MED12L: variants seen among roughly 807,000 people sequenced by gnomAD.
MED12L encodes the protein mediator complex subunit 12L.
Under a neutral mutation model 281.3 loss-of-function variants are expected in MED12L, and 60 were observed. That is an observed-to-expected ratio of 0.21 (90% CI 0.17 to 0.26). The LOEUF is 0.26. Among genes scored for constraint, MED12L ranks in the 10% least tolerant of loss-of-function variants. The pLI, the probability that MED12L is intolerant of heterozygous loss-of-function variation, is 1.00. For synonymous variants in MED12L, 974 were observed against 987.2 expected, an observed-to-expected ratio of 0.99 and a Z score of 0.25; for missense variants, 2,146 against 2,680.9, an observed-to-expected ratio of 0.80 and a Z score of 4.41.
intron 16 of MED12L, among the ~76,000 whole-genome samples, chr3:151,317,861 A>G (rs1748484675): frequency 6.6e-6 from 1 of 152,146 alleles, no homozygotes; most frequent in South Asian, 2.1e-4. Context: ...AATTTCATCA[A>G]ATGGAATCAA....
chr3:151,343,395 A>T (rs529059076), intron 16 of MED12L, among the ~76,000 whole-genome samples: 1 of 152,324 alleles, frequency 6.6e-6, no homozygotes, highest in East Asian at 1.9e-4. Context: ...TCAGTTCTTG[A>T]TCTAAATTAA....
chr3:151,178,050 C>T (rs570253976), intron 11 of MED12L, among the ~76,000 whole-genome samples: 2 of 145,850 alleles, frequency 1.4e-5, no homozygotes, highest in African/African-American at 2.6e-5. Flanking sequence ...TCTTACTATT[C>T]GTTAGAAAGT....
intron 9 of MED12L, 136 bp downstream of exon 9, chr3:151,164,178 C>T (rs938232203): frequency 1.1e-6 from 1 of 887,524 alleles, no homozygotes; most frequent in East Asian, 2.7e-5. Flanking sequence ...CTCTGGGTGA[C>T]CTTAGAGAAT....
intron 8 of MED12L, among the ~76,000 whole-genome samples, chr3:151,163,095 A>C (rs1720209617): frequency 6.6e-6 from 1 of 152,202 alleles, no homozygotes. Flanking sequence ...TAATAAAATC[A>C]AACTTGGGTT....
intron 16 of MED12L, among the ~76,000 whole-genome samples, chr3:151,295,651 T>G (rs1012811413): frequency 2.0e-5 from 3 of 152,202 alleles, no homozygotes; most frequent in Non-Finnish European, 4.4e-5. Flanking sequence ...TATCTTCCCT[T>G]CCCTTGCCTC....
chr3:151,208,635 G>A (rs1037956766), intron 16 of MED12L, among the ~76,000 whole-genome samples: 1 of 152,060 alleles, frequency 6.6e-6, no homozygotes, highest in Non-Finnish European at 1.5e-5. Flanking sequence ...CTGAGATCAC[G>A]CCACTGCACT....
intron 2 of MED12L, among the ~76,000 whole-genome samples, chr3:151,095,373 T>C (rs1451661522): frequency 6.6e-6 from 1 of 152,226 alleles, no homozygotes; most frequent in Non-Finnish European, 1.5e-5. Context: ...AGTCTTGCTC[T>C]GTCACCCAGG....
chr3:151,408,131 G>T (rs1716541332), intron 39 of MED12L, among the ~76,000 whole-genome samples: 1 of 152,198 alleles, frequency 6.6e-6, no homozygotes, highest in African/African-American at 2.4e-5. Flanking sequence ...GCCAGGTCTT[G>T]CTGGGCAAGT....
At chr3:151,091,769 G>T (rs574116205) in intron 2 of MED12L, among the ~76,000 whole-genome samples, 18 of 152,244 alleles carry the variant, frequency 1.2e-4, no homozygotes, top group African/African-American at 4.1e-4. Flanking sequence ...TCTGGCCCTT[G>T]TTCACCTCTG....
chr3:151,240,067 C>T (rs922384960), intron 16 of MED12L, among the ~76,000 whole-genome samples: 8 of 151,726 alleles, frequency 5.3e-5, no homozygotes, highest in Non-Finnish European at 8.8e-5. Context: ...GTGTGTATGG[C>T]CACCACCTGT....
In MED12L at chr3:151,411,683, A is replaced by G. The variant is rs141081291; in HGVS notation, c.6140+176A>G. 7.9e-3 allele frequency among the ~76,000 whole-genome samples: 1,206 copies of G among 152,330 alleles called. 14 individuals are homozygous for G. The highest frequency in any genetic ancestry group is 0.068 in the Middle Eastern group (20 of 294). Reference sequence around the variant, plus strand: ...TCCAGATAGAGGTTCAACATAAAGAATGCTCCATCTTGTTTATTTCATTAA... The same window carrying G: ...TCCAGATAGAGGTTCAACATAAAGAGTGCTCCATCTTGTTTATTTCATTAA... On this transcript the variant is annotated intron_variant, in intron 41 of 44. Transcript: ENST00000687756.
intron 16 of MED12L, chr3:151,198,793 G>A: frequency 6.2e-7 from 1 of 1,613,310 alleles, no homozygotes. Context: ...CAAGGCAATT[G>A]GATATTAAAA....
At chr3:151,374,947 A>G (rs994327293) in intron 27 of MED12L, among the ~76,000 whole-genome samples, 39 of 152,230 alleles carry the variant, frequency 2.6e-4, no homozygotes, top group African/African-American at 8.9e-4. Context: ...AAAAAAAGTG[A>G]CATACCTTAT....
At chr3:151,250,908 C>T (rs2149448437) in intron 16 of MED12L, among the ~76,000 whole-genome samples, 1 of 152,292 alleles carries the variant, frequency 6.6e-6, no homozygotes, top group Admixed American at 6.5e-5. Flanking sequence ...TGTCACTTTC[C>T]CCACATCCTT....
In MED12L at chr3:151,294,375, T is replaced by C. The variant is rs375414416; in HGVS notation, c.2251-55684T>C. 6.4e-5 allele frequency: 104 copies of C among 1,613,888 alleles called. No homozygotes were observed. Among genetic ancestry groups the C allele is most frequent in the Non-Finnish European group, 8.7e-5 (103 of 1,179,930 alleles). On this transcript the variant is annotated intron_variant, in intron 16 of 44. Coordinates refer to ENST00000687756, the MANE Select transcript of MED12L (RefSeq NM_001393769.1). ...GTAATTTCTTTGCAGTAATATAGGATTTTTTGTGCAGATTCATCTAAAAGC... is the reference window on the plus strand; with the variant it reads ...GTAATTTCTTTGCAGTAATATAGGACTTTTTGTGCAGATTCATCTAAAAGC...
intron 16 of MED12L, among the ~76,000 whole-genome samples, chr3:151,229,430 C>A (rs1255435260): frequency 1.3e-5 from 2 of 151,292 alleles, no homozygotes; most frequent in East Asian, 3.9e-4. Flanking sequence ...CGTCAGCCTC[C>A]CGAGTAGCTG....
chr3:151,432,828 C>T lies in MED12L; in HGVS notation c.*24C>T, dbSNP rs764706421. Reference sequence around the variant, plus strand: ...GAATCTGCAAGAGGAGAAGACATGACGTTTTATGTTTGCACTGAAAAACAG... The same window carrying T: ...GAATCTGCAAGAGGAGAAGACATGATGTTTTATGTTTGCACTGAAAAACAG... On this transcript the variant is annotated 3_prime_UTR_variant, in exon 45 of 45. Coordinates refer to ENST00000687756, the MANE Select transcript of MED12L (RefSeq NM_001393769.1). 29 of 1,595,048 alleles carry T rather than the reference C, an allele frequency of 1.8e-5. No individual in the cohort carries two copies. The Middle Eastern group carries it at 5.0e-4, about 27-fold the overall frequency.
At chr3:151,156,428 TG>T in intron 6 of MED12L, 98 bp downstream of exon 6, 2 of 1,161,510 alleles carry the variant, frequency 1.7e-6, no homozygotes, top group Non-Finnish European at 2.4e-6. Context: ...CTATTTTACA[TG>T]AACCAATACA....
At chr3:151,201,244 C>G (rs925009047) in intron 16 of MED12L, among the ~76,000 whole-genome samples, 1 of 152,132 alleles carries the variant, frequency 6.6e-6, no homozygotes, top group Admixed American at 6.6e-5. Context: ...CTCTCTCTCT[C>G]TCACACGCAC....
Sources: allele counts gnomAD v4.1 joint callset (sites outside exome capture counted in the v4.1 genomes callset), GRCh38; gene constraint gnomAD v4.1.1; transcripts MANE v1.5; gene names NCBI Gene and HGNC (gene_info 2026-07-23, HGNC 2026-07-21).